BICDL1: variants seen among roughly 807,000 people sequenced by gnomAD.
The protein encoded by BICDL1 is BICD family like cargo adaptor 1.
A neutral mutation model predicts 76.8 loss-of-function variants in BICDL1; 20 were observed. The ratio of observed to expected loss-of-function variants is 0.26; its 90% CI spans 0.18 to 0.38. The LOEUF (loss-of-function observed/expected upper bound fraction) is 0.38, where lower values mean the gene tolerates loss of function less well. Ranked by LOEUF, BICDL1 falls within the 10% of genes least tolerant of loss-of-function variation. BICDL1 has a pLI of 1.00. For missense variants in BICDL1, 700 were observed against 798.6 expected (o/e 0.88, Z 1.49); for synonymous variants, 383 against 337.1 (o/e 1.14, Z -1.49).
intron 2 of BICDL1, chr12:120,000,580 C>T (rs1397399628): frequency 3.3e-5 from 5 of 152,090 alleles, no homozygotes; most frequent in South Asian, 4.1e-4. Context: ...TGCAACAAAC[C>T]AGAAAAATTA....
chr12:120,054,305 C>A (rs1952929549), intron 2 of BICDL1, among the ~76,000 whole-genome samples: 1 of 151,894 alleles, frequency 6.6e-6, no homozygotes, highest in South Asian at 2.1e-4. Flanking sequence ...GAACTCCTGA[C>A]CTCAAGTGAT....
At chr12:120,044,578 C>T (rs1051919912) in intron 2 of BICDL1, among the ~76,000 whole-genome samples, 8 of 152,232 alleles carry the variant, frequency 5.3e-5, no homozygotes, top group African/African-American at 1.7e-4. Context: ...CAAGCATTTT[C>T]ATGCAATCTC....
rs568231816 is a variant in BICDL1 at position 119,995,552 on chromosome 12, G to GTGA, written c.430-2967_430-2965dup. Among the ~76,000 whole-genome samples, 462 of 152,316 alleles carry GTGA rather than the reference G, an allele frequency of 3.0e-3. 5 individuals are homozygous for GTGA. Among genetic ancestry groups the GTGA allele is most frequent in the Non-Finnish European group, 2.7e-3 (185 of 68,018 alleles). ...ATTTATCTGGCCTCTCAGTAACACT[G>GTGA]TGATTACTGAGTTCTTGCCATTGCC... is the stretch of plus-strand genomic sequence containing the variant. On this transcript the variant is annotated intron_variant, in intron 1 of 9. Coordinates refer to ENST00000548673, the MANE Select transcript of BICDL1 (RefSeq NM_001367886.1).
intron 2 of BICDL1, among the ~76,000 whole-genome samples, chr12:120,041,550 G>A (rs746659610): frequency 6.6e-6 from 1 of 152,138 alleles, no homozygotes; most frequent in Non-Finnish European, 1.5e-5. Context: ...GCAATAGCTC[G>A]ATTAACAAAG....
At chr12:120,090,869 C>T (rs1004224102) in intron 9 of BICDL1, 4 of 1,287,982 alleles carry the variant, frequency 3.1e-6, no homozygotes, top group Non-Finnish European at 4.0e-6. Flanking sequence ...GCTGGCCGCG[C>T]CCTGGCTGAC....
chr12:120,023,487 A>G (rs1049006224), intron 2 of BICDL1, among the ~76,000 whole-genome samples: 5 of 152,160 alleles, frequency 3.3e-5, no homozygotes, highest in South Asian at 4.1e-4. Context: ...CTGACATCCA[A>G]TCAAAGATTC....
rs1951460521 is a variant in BICDL1 at position 119,989,256 on chromosome 12, G to T, written c.-613G>T. On this transcript the variant is annotated 5_prime_UTR_variant, in exon 1 of 10. Transcript: ENST00000548673. ...AAGGCAGGAAGGAGCTCGCCGGGTT[G>T]CGCGGCGCGCGATGTGGAGCCGCCG... is the stretch of plus-strand genomic sequence containing the variant. Among the ~76,000 whole-genome samples the T allele has an allele frequency of 6.7e-6, 1 of 150,056 alleles. No homozygotes were observed. The highest frequency in any genetic ancestry group is 2.4e-5 in the African/African-American group (1 of 41,154).
intron 2 of BICDL1, among the ~76,000 whole-genome samples, chr12:120,019,442 C>T (rs1415545293): frequency 6.6e-6 from 1 of 152,122 alleles, no homozygotes; most frequent in Non-Finnish European, 1.5e-5. Flanking sequence ...TTTATATTTC[C>T]ATTGCCTATA....
At chr12:120,056,198 A>G (rs1012338202) in intron 2 of BICDL1, among the ~76,000 whole-genome samples, 2 of 152,174 alleles carry the variant, frequency 1.3e-5, no homozygotes, top group Non-Finnish European at 2.9e-5. Flanking sequence ...AGTTTTCTTT[A>G]CTTTTTTTTA....
intron 2 of BICDL1, among the ~76,000 whole-genome samples, chr12:120,031,857 G>A (rs978759926): frequency 2.0e-5 from 3 of 152,140 alleles, no homozygotes; most frequent in South Asian, 2.1e-4. Flanking sequence ...TCAGAAGGTC[G>A]AGGCAGGAGG....
chr12:120,065,582 A>T (rs1953203331), intron 4 of BICDL1, among the ~76,000 whole-genome samples: 1 of 152,202 alleles, frequency 6.6e-6, no homozygotes, highest in Admixed American at 6.5e-5. Flanking sequence ...TGCTACCAAG[A>T]TGCTTTGCTG....
chr12:120,013,777 T>A (rs982619059), intron 2 of BICDL1, among the ~76,000 whole-genome samples: 1 of 152,106 alleles, frequency 6.6e-6, no homozygotes, highest in African/African-American at 2.4e-5. Flanking sequence ...CCAGTTTTTA[T>A]CCCCAACAAC....
intron 2 of BICDL1, chr12:120,019,113 C>G (rs947597061): frequency 1.3e-5 from 2 of 149,988 alleles, no homozygotes; most frequent in Non-Finnish European, 2.9e-5. Context: ...CTCTCGGGAG[C>G]GGGGGACCGC....
At chr12:120,091,401 G>A in intron 9 of BICDL1, 1 of 1,012,524 alleles carries the variant, frequency 9.9e-7, no homozygotes, top group Non-Finnish European at 1.2e-6. Context: ...AGCTTTGAAA[G>A]GTTGGTTTTT....
rs1408589895 is a variant in BICDL1, at chr12:120,074,537, G to A, written c.1403G>A (p.Arg468Lys). The stretch of plus-strand genomic sequence containing the variant: ...CTAAGGGAGCTCATGGAGGGAGAGA[G>A]GGGTAAACTGAGGCAAAGCCTAGAA... ...RALRELMEGE[R>K]GKLRQSLEEL... is the part of the protein sequence containing the mutation. The change falls in exon 7 of 10, where the codon AGG (arginine) becomes AAG (lysine). Residue 468 changes from arginine (R) to lysine (K), a missense_variant. Arg to Lys is a conservative substitution (Grantham distance 26, BLOSUM62 2). This residue lies in a region of BICDL1 where 455 missense variants were observed against 548.7 expected (regional missense o/e 0.83). Transcript: ENST00000548673. 1 of 1,275,452 alleles carries A rather than the reference G, an allele frequency of 7.8e-7. No homozygotes were observed. Among genetic ancestry groups the A allele is most frequent in the Non-Finnish European group, 1.0e-6 (1 of 981,774 alleles). The allele number at this position is 1,275,452 out of a possible 1,614,324, so 79.0% of individuals were successfully genotyped here. A position where few individuals can be genotyped will look rare whatever the true frequency, so the allele number is the denominator to read the frequency against.
At chr12:120,033,171 T>C (rs1952459143) in intron 2 of BICDL1, among the ~76,000 whole-genome samples, 1 of 152,152 alleles carries the variant, frequency 6.6e-6, no homozygotes, top group Admixed American at 6.5e-5. Context: ...AAGTCAAATT[T>C]AAATTTCCCC....
chr12:120,056,780 A>T (rs1952983558), intron 2 of BICDL1, among the ~76,000 whole-genome samples: 1 of 151,458 alleles, frequency 6.6e-6, no homozygotes, highest in African/African-American at 2.4e-5. Context: ...TCCTAGATGG[A>T]TGTGGAGACC....
intron 8 of BICDL1, among the ~76,000 whole-genome samples, chr12:120,087,631 G>T (rs1874537804): frequency 6.6e-6 from 1 of 152,216 alleles, no homozygotes. Context: ...GCTTAAGGGA[G>T]CGATTAATGA....
intron 2 of BICDL1, among the ~76,000 whole-genome samples, chr12:120,026,820 C>T (rs1388741918): frequency 6.6e-6 from 1 of 152,204 alleles, no homozygotes; most frequent in East Asian, 1.9e-4. Context: ...ACTAACCTGC[C>T]CAGCATTACT....
Sources: gnomAD v4.1 joint callset for allele counts (sites outside exome capture counted in the v4.1 genomes callset) on GRCh38, gnomAD v4.1.1 for gene constraint, gnomAD v4.1.1 regional missense constraint, MANE v1.5 for transcripts, NCBI Gene and HGNC (gene_info 2026-07-23, HGNC 2026-07-21) for gene names.